SOBP: variants seen among roughly 807,000 people sequenced by gnomAD.
SOBP encodes the protein sine oculis binding protein homolog, also known as sine oculis-binding protein homolog.
A neutral mutation model predicts 53.6 loss-of-function variants in SOBP; 4 were observed. The observed-to-expected ratio is 0.07, with a 90% confidence interval of 0.04 to 0.17. The LOEUF is 0.17. Ranked by LOEUF, SOBP falls within the 10% of genes least tolerant of loss-of-function variation. SOBP has a pLI of 1.00. For synonymous variants in SOBP, 584 were observed against 522.6 expected, an observed-to-expected ratio of 1.12 and a Z score of -1.60; for missense variants, 1,088 against 1,204.7, an observed-to-expected ratio of 0.90 and a Z score of 1.43.
At chr6:107,529,394 G>A (rs1490825139) in intron 3 of SOBP, 1 of 960,000 alleles carries the variant, frequency 1.0e-6, no homozygotes, top group Non-Finnish European at 1.2e-6. Context: ...TCCTCAGACT[G>A]CCTTGTAACT....
rs1388610053 is a variant in SOBP at position 107,659,677 on chromosome 6, T to G, written c.*1474T>G. 2 of 152,732 alleles carry G rather than the reference T, an allele frequency of 1.3e-5. No homozygotes were observed. Among genetic ancestry groups the G allele is most frequent in the Non-Finnish European group, 2.9e-5 (2 of 68,152 alleles). 9.5% of individuals were successfully genotyped at this position (152,732 alleles called of 1,614,324 possible). A position where few individuals can be genotyped will look rare whatever the true frequency, so the allele number is the denominator to read the frequency against. On this transcript the variant is annotated 3_prime_UTR_variant, in exon 7 of 7. Coordinates refer to ENST00000317357, the MANE Select transcript of SOBP (RefSeq NM_018013.4). ...AGCAGGAGGGGTGGCGAGTTGCGGGTGGGCAGGGCCAGGACGGTGTGGCGC... is the reference window on the plus strand; with the variant it reads ...AGCAGGAGGGGTGGCGAGTTGCGGGGGGGCAGGGCCAGGACGGTGTGGCGC...
At chr6:107,548,255 T>G (rs965700989) in intron 4 of SOBP, among the ~76,000 whole-genome samples, 3 of 149,926 alleles carry the variant, frequency 2.0e-5, no homozygotes, top group Non-Finnish European at 4.4e-5. Context: ...CTGTTTTCTT[T>G]TTGTTTTTTT....
At chr6:107,502,103 T>C (rs911516078) in intron 1 of SOBP, among the ~76,000 whole-genome samples, 3 of 152,310 alleles carry the variant, frequency 2.0e-5, no homozygotes, top group African/African-American at 7.2e-5. Flanking sequence ...GCCAGGTTTG[T>C]TTTTGTGGAG....
chr6:107,630,750 G>GTCTCTC lies in SOBP; in HGVS notation c.670-2735_670-2730dup, dbSNP rs60388300. Among the ~76,000 whole-genome samples, 417 of 148,658 alleles carry GTCTCTC rather than the reference G, an allele frequency of 2.8e-3. 1 individual carries two copies. Among genetic ancestry groups the GTCTCTC allele is most frequent in the African/African-American group, 7.3e-3 (293 of 40,230 alleles). On this transcript the variant is annotated intron_variant, in intron 5 of 6. Transcript: ENST00000317357. ...ACACACACACACACACACACACTCT[G>GTCTCTC]TCTCTCTCTCTCTCTCTCTCTCTCT... is the stretch of plus-strand genomic sequence containing the variant.
intron 3 of SOBP, among the ~76,000 whole-genome samples, chr6:107,521,953 CACACACAAACTCAA>C (rs1448717479): frequency 1.2e-3 from 138 of 114,022 alleles, no homozygotes; most frequent in African/African-American, 1.6e-3. Context: ...CACACACACA[CACACACAAACTCAA>C]TCAAGTCTGA....
intron 5 of SOBP, among the ~76,000 whole-genome samples, chr6:107,591,994 T>G (rs1785775149): frequency 2.4e-5 from 2 of 84,162 alleles, no homozygotes; most frequent in African/African-American, 7.4e-5. Flanking sequence ...TTTTTTTTTG[T>G]AAAATCTTTA....
chr6:107,491,386 G>A (rs1373852362), intron 1 of SOBP, among the ~76,000 whole-genome samples: 1 of 152,250 alleles, frequency 6.6e-6, no homozygotes, highest in Non-Finnish European at 1.5e-5. Context: ...GAGGACAGCT[G>A]TCTGAGGGGC....
intron 4 of SOBP, among the ~76,000 whole-genome samples, chr6:107,546,960 T>C (rs1385320390): frequency 6.6e-6 from 1 of 152,114 alleles, no homozygotes; most frequent in Non-Finnish European, 1.5e-5. Flanking sequence ...TGGATGATAT[T>C]CCTCAGGGTA....
chr6:107,549,222 G>A (rs971135145), intron 4 of SOBP, among the ~76,000 whole-genome samples: 3 of 151,964 alleles, frequency 2.0e-5, no homozygotes, highest in South Asian at 2.1e-4. Flanking sequence ...AGCCAAGATC[G>A]CACCACAGCA....
intron 6 of SOBP, among the ~76,000 whole-genome samples, chr6:107,637,429 G>T (rs534250429): frequency 3.9e-5 from 6 of 152,356 alleles, no homozygotes; most frequent in African/African-American, 1.4e-4. Flanking sequence ...TACTAAAAAT[G>T]AGTTCACCAT....
At chr6:107,568,166 T>A (rs1784971110) in intron 4 of SOBP, among the ~76,000 whole-genome samples, 2 of 152,196 alleles carry the variant, frequency 1.3e-5, no homozygotes, top group Admixed American at 1.3e-4. Flanking sequence ...TCATTTCCAA[T>A]TATTGACTCC....
intron 4 of SOBP, among the ~76,000 whole-genome samples, chr6:107,573,202 T>C (rs1440973701): frequency 3.3e-5 from 5 of 152,176 alleles, no homozygotes; most frequent in African/African-American, 9.7e-5. Flanking sequence ...TTTGTGCATT[T>C]CTAAAATTCC....
At chr6:107,552,543 A>G (rs1274200449) in intron 4 of SOBP, among the ~76,000 whole-genome samples, 2 of 152,106 alleles carry the variant, frequency 1.3e-5, no homozygotes, top group Non-Finnish European at 2.9e-5. Context: ...CTGAGCCTGG[A>G]CCAAAGGGGA....
chr6:107,605,967 G>T (rs1005654582), intron 5 of SOBP, among the ~76,000 whole-genome samples: 8 of 151,660 alleles, frequency 5.3e-5, no homozygotes, highest in African/African-American at 1.9e-4. Flanking sequence ...GACAGCTTCA[G>T]TGAACTCCTT....
At position 107,633,655 on chromosome 6, in the gene SOBP, C is replaced by T; in HGVS notation, c.811C>T (p.Leu271Phe). 1 of 1,614,256 alleles carries T rather than the reference C, an allele frequency of 6.2e-7. No homozygotes were observed. The highest frequency in any genetic ancestry group is 8.5e-7 in the Non-Finnish European group (1 of 1,180,054). The change falls in exon 6 of 7, where the codon CTT becomes TTT. Residue 271 changes from leucine to phenylalanine, a missense_variant. Around this residue, in one of 6 missense-constraint regions of SOBP, gnomAD observed 211 missense variants for 258.9 expected, o/e 0.82. Transcript: ENST00000317357. ...TTTCTACAAAGAGACCCAGGCCAAT[C>T]TTCCAGCTGGGCTGTGCAGCACATT... is the stretch of plus-strand genomic sequence containing the variant. ...DIFYKETQAN[L>F]PAGLCSTLHP...
At position 107,651,637 on chromosome 6, in the gene SOBP, T is replaced by C. The variant is rs554701256; in HGVS notation, c.*4-6570T>C. 2.0e-5 allele frequency among the ~76,000 whole-genome samples: 3 copies of C among 152,260 alleles called. No individual in the cohort carries two copies. In the South Asian group the frequency reaches 6.2e-4, roughly 32 times the overall value. ...TGATGAAGGTGACTACACTAGACAA[T>C]AGATTTTCAATATAGATAAAACAGC... On this transcript the variant is annotated intron_variant, in intron 6 of 6. Transcript: ENST00000317357.
At chr6:107,610,784 G>A (rs900864324) in intron 5 of SOBP, among the ~76,000 whole-genome samples, 2 of 141,234 alleles carry the variant, frequency 1.4e-5, no homozygotes, top group African/African-American at 2.8e-5. Context: ...GTGTGCGCAC[G>A]TGTGTGCACA....
chr6:107,634,815 C>G lies in SOBP; in HGVS notation c.1971C>G (p.Thr657=). 7.1e-7 allele frequency: 1 copy of G among 1,408,364 alleles called. No individual in the cohort carries two copies. The highest frequency in any genetic ancestry group is 9.3e-7 in the Non-Finnish European group (1 of 1,078,138). 87.2% of individuals were successfully genotyped at this position (1,408,364 alleles called of 1,614,324 possible). A position where few individuals can be genotyped will look rare whatever the true frequency, so the allele number is the denominator to read the frequency against. Reference sequence around the variant, plus strand: ...CGCAGGACGGCGTCATCGACCTGACCGTGGGCCACCGAGCCCGGCTGCACA... The same window carrying G: ...CGCAGGACGGCGTCATCGACCTGACGGTGGGCCACCGAGCCCGGCTGCACA... The part of the protein sequence containing the change: ...QGPQDGVIDL[T]VGHRARLHNV... The change falls in exon 6 of 7, where the codon ACC becomes ACG. Residue 657 remains threonine (T), a synonymous_variant. Transcript: ENST00000317357. The surrounding 1 kb of genome is among the most constrained non-coding windows in gnomAD (Gnocchi z 4.5).
chr6:107,627,042 A>C (rs1169802019), intron 5 of SOBP, among the ~76,000 whole-genome samples: 1 of 152,232 alleles, frequency 6.6e-6, no homozygotes, highest in Non-Finnish European at 1.5e-5. Context: ...GGCATTTGGT[A>C]CCAGGCAGAC....
Sources: gnomAD v4.1 joint callset for allele counts (sites outside exome capture counted in the v4.1 genomes callset) on GRCh38, gnomAD v4.1.1 for gene constraint, gnomAD v4.1.1 regional missense constraint, Gnocchi (gnomAD v3.1) non-coding constraint, MANE v1.5 for transcripts, NCBI Gene and HGNC (gene_info 2026-07-23, HGNC 2026-07-21) for gene names.